PDSS2: variants seen among roughly 807,000 people sequenced by gnomAD.
PDSS2 encodes decaprenyl diphosphate synthase subunit 2.
PDSS2 carries 31 observed loss-of-function variants against 44.5 expected under a neutral mutation model. The observed-to-expected ratio is 0.70, with a 90% confidence interval of 0.52 to 0.94. PDSS2 has a LOEUF of 0.94. Ranked by LOEUF, PDSS2 falls within the 40% of genes least tolerant of loss-of-function variation. The pLI, the probability that PDSS2 is intolerant of heterozygous loss-of-function variation, is 0.00. For missense variants in PDSS2, 452 were observed against 482.2 expected, an observed-to-expected ratio of 0.94 and a Z score of 0.59; for synonymous variants, 157 against 180.3, an observed-to-expected ratio of 0.87 and a Z score of 1.03.
At chr6:107,427,986 TAC>T (rs1562532651) in intron 1 of PDSS2, among the ~76,000 whole-genome samples, 1 of 152,138 alleles carries the variant, frequency 6.6e-6, no homozygotes, top group Non-Finnish European at 1.5e-5. Flanking sequence ...TCACATTTTT[TAC>T]AGAGGTTGTG....
At chr6:107,421,807 A>AACACAC (rs33978698) in intron 1 of PDSS2, among the ~76,000 whole-genome samples, 21,651 of 145,992 alleles carry the variant, frequency 0.15, 1,699 homozygotes, top group East Asian at 0.28. Context: ...AATTTCACAG[A>AACACAC]ACACACACAC....
intron 1 of PDSS2, among the ~76,000 whole-genome samples, chr6:107,430,970 T>G (rs192214618): frequency 1.3e-5 from 2 of 152,358 alleles, no homozygotes; most frequent in Admixed American, 1.3e-4. Flanking sequence ...AAAGGATGAT[T>G]AGTTTTGCCA....
intron 1 of PDSS2, among the ~76,000 whole-genome samples, chr6:107,451,737 C>A (rs1031181157): frequency 2.0e-4 from 30 of 152,134 alleles, no homozygotes; most frequent in Admixed American, 2.0e-3. Context: ...TTTGTTTGAT[C>A]ACCAATAAAT....
chr6:107,267,588 CTTTTTT>C (rs55860139), intron 3 of PDSS2, among the ~76,000 whole-genome samples: 1 of 132,376 alleles, frequency 7.6e-6, no homozygotes, highest in African/African-American at 2.8e-5. Context: ...GATTCTCTTT[CTTTTTT>C]TTTTTTTTTT....
intron 2 of PDSS2, among the ~76,000 whole-genome samples, chr6:107,322,069 C>T (rs931078045): frequency 8.5e-5 from 13 of 152,220 alleles, no homozygotes; most frequent in Non-Finnish European, 1.5e-5. Context: ...TGCACATACC[C>T]TTTTCTTGAT....
At chr6:107,379,873 G>T (rs1317401495) in intron 1 of PDSS2, among the ~76,000 whole-genome samples, 1 of 151,714 alleles carries the variant, frequency 6.6e-6, no homozygotes, top group Non-Finnish European at 1.5e-5. Flanking sequence ...CATAATTATT[G>T]ATAATGATTA....
intron 1 of PDSS2, among the ~76,000 whole-genome samples, chr6:107,440,264 CT>C: frequency 6.6e-6 from 1 of 152,346 alleles, no homozygotes; most frequent in East Asian, 1.9e-4. Flanking sequence ...GCTACCAACA[CT>C]ACCATCTGTG....
At chr6:107,230,536 AC>A (rs1774008381) in intron 4 of PDSS2, among the ~76,000 whole-genome samples, 1 of 151,968 alleles carries the variant, frequency 6.6e-6, no homozygotes, top group Non-Finnish European at 1.5e-5. Context: ...ATTTATTATC[AC>A]TCACTGTCTT....
chr6:107,154,351 T>C lies in PDSS2; in HGVS notation c.*268A>G. ...CTTATTTCCTGTCCATTTGCTGAGGTCACAGGAGCGAATCTCATTAATTAT... is the reference window on the plus strand; with the variant it reads ...CTTATTTCCTGTCCATTTGCTGAGGCCACAGGAGCGAATCTCATTAATTAT... On this transcript the variant is annotated 3_prime_UTR_variant, in exon 8 of 8. Coordinates refer to ENST00000369037, the MANE Select transcript of PDSS2 (RefSeq NM_020381.4). The C allele has an allele frequency of 2.4e-6, 1 of 421,064 alleles. No individual in the cohort carries two copies. 26.1% of individuals were successfully genotyped at this position (421,064 alleles called of 1,614,324 possible).
Position 107,334,142 on chromosome 6 carries a change from C to G in PDSS2, c.431+56G>C. On this transcript the variant is annotated intron_variant, in intron 2 of 7. Transcript: ENST00000369037. ...AATGGTGATTTCCACTGACCTCTGT[C>G]CAGTAAAAGAAAACACGATGTAGAG... 3 of 1,445,648 alleles carry G rather than the reference C, an allele frequency of 2.1e-6. No individual in the cohort carries two copies. In the South Asian group the frequency reaches 3.4e-5, roughly 17 times the overall value. The allele number at this position is 1,445,648 out of a possible 1,614,324, so 89.6% of individuals were successfully genotyped here.
intron 2 of PDSS2, among the ~76,000 whole-genome samples, chr6:107,278,441 G>A (rs1451147359): frequency 1.3e-5 from 2 of 152,112 alleles, no homozygotes; most frequent in East Asian, 1.9e-4. Context: ...ACTATCCTGC[G>A]AATGATTTCT....
chr6:107,439,034 T>TA (rs1398021241), intron 1 of PDSS2, among the ~76,000 whole-genome samples: 1 of 152,186 alleles, frequency 6.6e-6, no homozygotes, highest in Non-Finnish European at 1.5e-5. Context: ...ATTGCATTTC[T>TA]AAGGGGTGAG....
intron 2 of PDSS2, among the ~76,000 whole-genome samples, chr6:107,315,695 T>C (rs778260547): frequency 4.1e-4 from 63 of 152,336 alleles, no homozygotes; most frequent in Middle Eastern, 6.8e-3. Context: ...ATTTGAATCT[T>C]GGGCAATAAT....
intron 1 of PDSS2, among the ~76,000 whole-genome samples, chr6:107,433,129 G>A (rs1781243858): frequency 1.3e-5 from 2 of 151,918 alleles, no homozygotes. Flanking sequence ...GGATGGAAAA[G>A]CTCCACCCCA....
At chr6:107,388,682 T>C (rs984102981) in intron 1 of PDSS2, among the ~76,000 whole-genome samples, 2 of 152,136 alleles carry the variant, frequency 1.3e-5, no homozygotes, top group South Asian at 4.1e-4. Flanking sequence ...ATGGTCTCCA[T>C]CTTCTGACGT....
intron 2 of PDSS2, among the ~76,000 whole-genome samples, chr6:107,283,089 C>A (rs557948803): frequency 2.6e-5 from 4 of 150,956 alleles, no homozygotes; most frequent in Non-Finnish European, 5.9e-5. Flanking sequence ...GAGGCCAAGG[C>A]GGGGAGGATT....
chr6:107,419,713 C>T (rs1562527407), intron 1 of PDSS2, among the ~76,000 whole-genome samples: 2 of 152,150 alleles, frequency 1.3e-5, no homozygotes, highest in South Asian at 4.1e-4. Flanking sequence ...ACACATACTT[C>T]AGTATGTTTG....
chr6:107,165,104 T>C (rs1339495320), intron 7 of PDSS2, among the ~76,000 whole-genome samples: 2 of 152,152 alleles, frequency 1.3e-5, no homozygotes, highest in Non-Finnish European at 2.9e-5. Context: ...TTTTCTCCCA[T>C]TCTGTCGGTT....
chr6:107,306,042 A>G lies in PDSS2; in HGVS notation c.431+28156T>C, dbSNP rs537678807. Among the ~76,000 whole-genome samples the G allele has an allele frequency of 1.2e-4, 19 of 152,344 alleles. No homozygotes were observed. The Middle Eastern group carries it at 0.024, about 191-fold the overall frequency. ...GTACTTTGTTCAATGTCATACAGAT[A>G]GTTACCCAAAGAGGACAAGTACCCC... is the stretch of plus-strand genomic sequence containing the variant. On this transcript the variant is annotated intron_variant, in intron 2 of 7. Transcript: ENST00000369037.
Sources: gnomAD v4.1 joint callset for allele counts (sites outside exome capture counted in the v4.1 genomes callset) on GRCh38, gnomAD v4.1.1 for gene constraint, MANE v1.5 for transcripts, NCBI Gene and HGNC (gene_info 2026-07-23, HGNC 2026-07-21) for gene names.